The following TOX4 variants were observed in gnomAD, a reference collection of about 807,000 sequenced individuals.
TOX4 encodes the protein TOX high mobility group box family member 4, also known as epidermal Langerhans cell protein LCP1.
In TOX4, 12 loss-of-function variants were observed where a neutral mutation model predicts 61.0. That is an observed-to-expected ratio of 0.20 (90% CI 0.13 to 0.32). The LOEUF (loss-of-function observed/expected upper bound fraction) is 0.32. TOX4 is among the 10% of genes least tolerant of loss of function. The probability of loss-of-function intolerance (pLI) is 1.00; values close to 1 mark genes in which losing one functional copy is unlikely to be tolerated. For missense variants in TOX4, 499 were observed against 753.3 expected, an observed-to-expected ratio of 0.66 and a Z score of 3.95; for synonymous variants, 268 against 274.8, an observed-to-expected ratio of 0.98 and a Z score of 0.24.
rs1891184467 is a variant in TOX4 at position 21,485,878 on chromosome 14, A to AG, written c.76-1573_76-1572insG. Among the ~76,000 whole-genome samples, 5 of 103,872 alleles carry AG rather than the reference A, an allele frequency of 4.8e-5. 2 individuals are homozygous for AG. The highest frequency in any genetic ancestry group is 1.7e-4 in the Admixed American group (2 of 11,440). 68.1% of individuals were successfully genotyped at this position (103,872 alleles called of 152,430 possible). A position where few individuals can be genotyped will look rare whatever the true frequency, so the allele number is the denominator to read the frequency against. ...GAGACTCTGTCTCAAAAAAAAGAAA[A>AG]AAAAAAAAAGACAGAAATGGTCATA... is the stretch of plus-strand genomic sequence containing the variant. On this transcript the variant is annotated intron_variant, in intron 2 of 8. Transcript: ENST00000448790.
intron 2 of TOX4, among the ~76,000 whole-genome samples, chr14:21,481,567 C>G (rs1594424228): frequency 6.6e-6 from 1 of 152,124 alleles, no homozygotes. Flanking sequence ...TAAACATGCC[C>G]CCCTAACCTA....
chr14:21,480,102 G>C (rs1891082608), intron 2 of TOX4, among the ~76,000 whole-genome samples: 1 of 152,136 alleles, frequency 6.6e-6, no homozygotes, highest in Non-Finnish European at 1.5e-5. Context: ...CAAAGTACTA[G>C]TATTGTAGGT....
rs776683257 is a variant in TOX4 at position 21,493,263 on chromosome 14, C to T, written c.1641+6C>T. Reference sequence around the variant, plus strand: ...TCACAGATGTAGTTCCTGAGGTGAGCCTTTGTTTTTAAGTCTTTAGTCTAG... The same window carrying T: ...TCACAGATGTAGTTCCTGAGGTGAGTCTTTGTTTTTAAGTCTTTAGTCTAG... On this transcript the variant is annotated splice_donor_region_variant and intron_variant, in intron 7 of 8. Transcript: ENST00000448790. 6.5e-5 allele frequency: 103 copies of T among 1,593,018 alleles called. 1 individual carries two copies. In the East Asian group the frequency reaches 2.3e-3, roughly 35 times the overall value.
intron 5 of TOX4, among the ~76,000 whole-genome samples, chr14:21,491,067 C>T (rs150986450): frequency 2.0e-5 from 3 of 152,336 alleles, no homozygotes; most frequent in African/African-American, 7.2e-5. Flanking sequence ...TCAGGTGATC[C>T]GCCTGCCTTG....
chr14:21,493,849 A>C (rs1891346424), intron 7 of TOX4, among the ~76,000 whole-genome samples: 1 of 151,884 alleles, frequency 6.6e-6, no homozygotes, highest in Non-Finnish European at 1.5e-5. Context: ...CTCCTAGTTC[A>C]AGTGATTCTC....
In TOX4 at chr14:21,497,144, A is replaced by G. The variant is rs968267126; in HGVS notation, c.*538A>G. ...ACCCAGGAGTGATTTCTCTTTATAT[A>G]TATTATTTCTGCAGTTACCATCCTT... On this transcript the variant is annotated 3_prime_UTR_variant, in exon 9 of 9. Coordinates refer to ENST00000448790, the MANE Select transcript of TOX4 (RefSeq NM_014828.4). 2.0e-5 allele frequency: 3 copies of G among 152,614 alleles called. No homozygotes were observed. Among genetic ancestry groups the G allele is most frequent in the Admixed American group, 1.3e-4 (2 of 15,344 alleles). 9.5% of individuals were successfully genotyped at this position (152,614 alleles called of 1,614,324 possible).
At chr14:21,479,696 T>C (rs923379125) in intron 2 of TOX4, among the ~76,000 whole-genome samples, 1 of 152,158 alleles carries the variant, frequency 6.6e-6, no homozygotes, top group Non-Finnish European at 1.5e-5. Flanking sequence ...TTTGCACTCT[T>C]AGTTGCCATT....
intron 2 of TOX4, among the ~76,000 whole-genome samples, chr14:21,484,024 C>A (rs1342601932): frequency 6.6e-6 from 1 of 152,022 alleles, no homozygotes; most frequent in Admixed American, 6.6e-5. Flanking sequence ...CCAGGCTGGT[C>A]CCGAACTCCC....
chr14:21,479,540 C>T (rs1656489619), intron 2 of TOX4, among the ~76,000 whole-genome samples: 1 of 151,550 alleles, frequency 6.6e-6, no homozygotes. Context: ...CCCAGATACT[C>T]AGGAGGCTGA....
chr14:21,481,496 T>A (rs1891106975), intron 2 of TOX4, among the ~76,000 whole-genome samples: 5 of 152,214 alleles, frequency 3.3e-5, no homozygotes, highest in Admixed American at 3.3e-4. Flanking sequence ...ATAACTTAAT[T>A]ATTGCTAGTG....
At chr14:21,483,556 A>C (rs1891143522) in intron 2 of TOX4, among the ~76,000 whole-genome samples, 1 of 152,054 alleles carries the variant, frequency 6.6e-6, no homozygotes, top group Non-Finnish European at 1.5e-5. Flanking sequence ...TCACACTTGT[A>C]ATCCTAGAAC....
intron 4 of TOX4, 25 bp downstream of exon 4, chr14:21,488,875 A>G (rs749279819): frequency 2.5e-6 from 4 of 1,610,640 alleles, no homozygotes; most frequent in Non-Finnish European, 3.4e-6. Context: ...GTCAAAATCA[A>G]TTCTGCTGTG....
Position 21,477,652 on chromosome 14 carries a change from C to T in TOX4, c.75+88C>T. Reference sequence around the variant, plus strand: ...GGGAGGAGAGCACGGACTCCGGGGACGGGGGCTGGGAACCAAGGGCCGCAA... The same window carrying T: ...GGGAGGAGAGCACGGACTCCGGGGATGGGGGCTGGGAACCAAGGGCCGCAA... On this transcript the variant is annotated intron_variant, in intron 2 of 8. Transcript: ENST00000448790. 5 of 1,469,888 alleles carry T rather than the reference C, an allele frequency of 3.4e-6. No individual in the cohort carries two copies. The South Asian group carries it at 4.6e-5, about 14-fold the overall frequency. The allele number at this position is 1,469,888 out of a possible 1,614,324, so 91.1% of individuals were successfully genotyped here.
intron 7 of TOX4, among the ~76,000 whole-genome samples, chr14:21,493,738 C>CTGTTT (rs199525596): frequency 0.22 from 32,719 of 150,388 alleles, 4,287 homozygotes; most frequent in Middle Eastern, 0.33. Flanking sequence ...TGCACCCGCC[C>CTGTTT]TGTTTTGTTT....
chr14:21,488,567 A>G (rs1160667443), intron 3 of TOX4, 23 bp from the exon 4 acceptor site: 3 of 1,604,390 alleles, frequency 1.9e-6, no homozygotes, highest in African/African-American at 1.3e-5. Flanking sequence ...TTAGTGTTTA[A>G]TTAGTCCTTC....
In TOX4 at chr14:21,493,228, T is replaced by G. The variant is rs1891333116; in HGVS notation, c.1612T>G (p.Cys538Gly). 2 of 1,613,100 alleles carry G rather than the reference T, an allele frequency of 1.2e-6. No individual in the cohort carries two copies. The highest frequency in any genetic ancestry group is 2.2e-5 in the East Asian group (1 of 44,884). Residue 538 changes from cysteine to glycine, a missense_variant, in exon 7 of 9, where the codon TGT (cysteine) becomes GGT (glycine). Coordinates refer to ENST00000448790, the MANE Select transcript of TOX4 (RefSeq NM_014828.4). ...TVEAPSPETI[C>G]EMITDVVPEV... is the part of the protein sequence containing the mutation. ...GGAGGCACCTTCTCCTGAGACTATCTGTGAGATGATCACAGATGTAGTTCC... is the reference window on the plus strand; with the variant it reads ...GGAGGCACCTTCTCCTGAGACTATCGGTGAGATGATCACAGATGTAGTTCC...
intron 2 of TOX4, 39 bp from the exon 3 acceptor site, chr14:21,487,412 T>C (rs768815558): frequency 6.2e-7 from 1 of 1,602,116 alleles, no homozygotes; most frequent in Non-Finnish European, 8.5e-7. Flanking sequence ...CCATTTCTCC[T>C]CTTTTCACTA....
chr14:21,481,854 G>A (rs1486768500), intron 2 of TOX4, among the ~76,000 whole-genome samples: 1 of 152,166 alleles, frequency 6.6e-6, no homozygotes. Context: ...ATTTTTTAAT[G>A]AGGGTCAAGA....
At chr14:21,494,543 C>A (rs183702464) in intron 7 of TOX4, among the ~76,000 whole-genome samples, 3 of 151,938 alleles carry the variant, frequency 2.0e-5, no homozygotes, top group Non-Finnish European at 4.4e-5. Flanking sequence ...GTCAGGAGAT[C>A]GAGACCATCC....
Sources: gnomAD v4.1 joint callset for allele counts (sites outside exome capture counted in the v4.1 genomes callset) on GRCh38, gnomAD v4.1.1 for gene constraint, MANE v1.5 for transcripts, NCBI Gene and HGNC (gene_info 2026-07-23, HGNC 2026-07-21) for gene names.